ZNF226: variants seen among roughly 807,000 people sequenced by gnomAD.
The protein encoded by ZNF226 is Kruppel-associated box protein.
ZNF226 carries 6 observed loss-of-function variants against 11.4 expected under a neutral mutation model. The observed-to-expected ratio is 0.53, with a 90% CI of 0.29 to 1.04. ZNF226 has a LOEUF of 1.04. Ranked by LOEUF, ZNF226 falls within the 50% of genes least tolerant of loss-of-function variation. The pLI is 0.08. For synonymous variants in ZNF226, 350 were observed against 322.8 expected (o/e 1.08, Z -0.90); for missense variants, 1,058 against 956.5 (o/e 1.11, Z -1.40).
At chr19:44,182,521 T>TA (rs1357417753), downstream of ZNF226, among the ~76,000 whole-genome samples, 3 of 152,198 alleles carry the variant, frequency 2.0e-5, no homozygotes, top group African/African-American at 7.2e-5. Flanking sequence ...GGAGTGGATG[T>TA]ATGTAAAGCC....
the ZNF226 span, among the ~76,000 whole-genome samples, chr19:44,194,764 A>G: frequency 6.6e-6 from 1 of 151,058 alleles, no homozygotes; most frequent in African/African-American, 2.5e-5. Flanking sequence ...TTACATACAT[A>G]TATAGACACA....
rs1970734606 is a variant in ZNF226, at chr19:44,176,880, TTCAG to T, written c.1622_1625del (p.Ser541LysfsTer14). The T allele has an allele frequency of 6.2e-7, 1 of 1,614,014 alleles. No individual in the cohort carries two copies. The highest frequency in any genetic ancestry group is 1.6e-4 in the Middle Eastern group (1 of 6,062). ...TAAATGTGAGATATGTGGGAAGGGC[TTCAG>T]TCAAAGTTCGTATCTTCAAATCCAT... On this transcript the variant is annotated frameshift_variant, in exon 6 of 6. Coordinates refer to ENST00000337433, the MANE Select transcript of ZNF226 (RefSeq NM_001032373.2). LOFTEE classifies it low-confidence loss of function (END_TRUNC).
Position 44,176,324 on chromosome 19 carries a change from C to CA in ZNF226, c.1064dup (p.Val356GlyfsTer9). 6.2e-7 allele frequency: 1 copy of CA among 1,614,146 alleles called. No homozygotes were observed. The highest frequency in any genetic ancestry group is 1.1e-5 in the South Asian group (1 of 91,082). ...GTAGATCAGCACTTAATGTTCATTG[C>CA]AAGGTCCACACGGCAGAGAAACCTT... On this transcript the variant is annotated frameshift_variant, in exon 6 of 6. Coordinates refer to ENST00000337433, the MANE Select transcript of ZNF226 (RefSeq NM_001032373.2). LOFTEE classifies it low-confidence loss of function (END_TRUNC).
At chr19:44,192,222 G>T in the ZNF226 span, among the ~76,000 whole-genome samples, 1 of 152,130 alleles carries the variant, frequency 6.6e-6, no homozygotes, top group Non-Finnish European at 1.5e-5. Context: ...GATTCTCCTA[G>T]GCCTTAAAGA....
At chr19:44,193,758 A>T in the ZNF226 span, among the ~76,000 whole-genome samples, 2 of 152,262 alleles carry the variant, frequency 1.3e-5, no homozygotes, top group African/African-American at 4.8e-5. Context: ...CTACAGTTCC[A>T]GTCTCTTAAT....
At chr19:44,198,444 C>T in the ZNF226 span, among the ~76,000 whole-genome samples, 1 of 152,142 alleles carries the variant, frequency 6.6e-6, no homozygotes, top group East Asian at 1.9e-4. Context: ...TTTAAATTTT[C>T]ATTGAAGTAT....
chr19:44,199,341 G>GT, the ZNF226 span, among the ~76,000 whole-genome samples: 1 of 152,004 alleles, frequency 6.6e-6, no homozygotes, highest in East Asian at 1.9e-4. Context: ...CACCCAGTTA[G>GT]TTTTTGTATT....
At chr19:44,194,659 G>A in the ZNF226 span, among the ~76,000 whole-genome samples, 17 of 152,178 alleles carry the variant, frequency 1.1e-4, no homozygotes, top group East Asian at 2.9e-3. Flanking sequence ...AAAAATGTGA[G>A]TTAACTACTA....
chr19:44,167,428 C>T (rs1969528634), intron 2 of ZNF226, among the ~76,000 whole-genome samples: 1 of 148,848 alleles, frequency 6.7e-6, no homozygotes, highest in African/African-American at 2.5e-5. Context: ...AAAAGATTCT[C>T]CTGCCTCAAC....
chr19:44,170,250 T>C (rs1461503063), intron 3 of ZNF226, among the ~76,000 whole-genome samples, 155 bp downstream of exon 3: 1 of 152,200 alleles, frequency 6.6e-6, no homozygotes, highest in Non-Finnish European at 1.5e-5. Flanking sequence ...TAGCTGGTTT[T>C]GGTTTTAGTT....
the ZNF226 span, among the ~76,000 whole-genome samples, chr19:44,184,006 G>A: frequency 3.4e-4 from 51 of 152,184 alleles, 1 homozygote; most frequent in East Asian, 6.4e-3. Flanking sequence ...TTTATAAATT[G>A]TCTCATTGAA....
chr19:44,176,151 G>A lies in ZNF226; in HGVS notation c.889G>A (p.Val297Ile). 1.2e-6 allele frequency: 2 copies of A among 1,614,128 alleles called. No homozygotes were observed. The highest frequency in any genetic ancestry group is 1.7e-6 in the Non-Finnish European group (2 of 1,180,010). The change falls in exon 6 of 6, where the codon GTT becomes ATT. Residue 297 changes from valine (V) to isoleucine (I), a missense_variant. Transcript: ENST00000337433. ...CTTCTGTTACAGCCCAGTTCTTCCT[G>A]TTCATCAGAAAGTACATGTGGGAGA... is the stretch of plus-strand genomic sequence containing the variant. The part of the protein sequence containing the change: ...KGFCYSPVLP[V>I]HQKVHVGEKL...
intron 2 of ZNF226, 74 bp from the exon 3 acceptor site, chr19:44,169,961 A>G: frequency 2.0e-6 from 2 of 994,644 alleles, no homozygotes; most frequent in Non-Finnish European, 2.9e-6. Flanking sequence ...CACCTTTGCT[A>G]ATTCCTAAAG....
chr19:44,190,243 T>C, the ZNF226 span, among the ~76,000 whole-genome samples: 2 of 152,186 alleles, frequency 1.3e-5, no homozygotes, highest in Admixed American at 6.5e-5. Context: ...TTAGTTTTAT[T>C]ATTTTAGTTT....
At chr19:44,177,974 T>G, downstream of ZNF226, 1 of 250,700 alleles carries the variant, frequency 4.0e-6, no homozygotes, top group Non-Finnish European at 7.7e-6. Context: ...CACTACTGAA[T>G]CTACATAATC....
chr19:44,184,326 A>G, the ZNF226 span, among the ~76,000 whole-genome samples: 2 of 152,218 alleles, frequency 1.3e-5, no homozygotes, highest in African/African-American at 4.8e-5. Flanking sequence ...TCATGCCTGT[A>G]ATCCCAGCAC....
the ZNF226 span, among the ~76,000 whole-genome samples, chr19:44,188,960 C>T: frequency 7.7e-4 from 118 of 152,280 alleles, no homozygotes; most frequent in African/African-American, 2.2e-3. Context: ...TCAGTAACAA[C>T]GGTGGTATCA....
At position 44,176,255 on chromosome 19, in the gene ZNF226, A is replaced by G. The variant is rs1970668504; in HGVS notation, c.993A>G (p.Ile331Met). 1.2e-6 allele frequency: 2 copies of G among 1,614,190 alleles called. No individual in the cohort carries two copies. The highest frequency in any genetic ancestry group is 1.7e-6 in the Non-Finnish European group (2 of 1,180,020). The change falls in exon 6 of 6, where the codon ATA becomes ATG. Residue 331 changes from isoleucine (I) to methionine (M), a missense_variant. Transcript: ENST00000337433. The part of the protein sequence containing the change: ...HLQTHQKVHV[I>M]EKPYKCKQCG... ...AGACCCATCAGAAAGTCCACGTGAT[A>G]GAGAAACCATACAAATGTAAGCAAT...
the ZNF226 span, among the ~76,000 whole-genome samples, chr19:44,193,098 A>G: frequency 2.6e-5 from 4 of 152,118 alleles, no homozygotes; most frequent in African/African-American, 9.7e-5. Context: ...TATTTACCAA[A>G]GATTTACCTA....
Sources: gnomAD v4.1 joint callset for allele counts (sites outside exome capture counted in the v4.1 genomes callset) on GRCh38, gnomAD v4.1.1 for gene constraint, MANE v1.5 for transcripts, NCBI Gene and HGNC (gene_info 2026-07-23, HGNC 2026-07-21) for gene names.